EFR3B: variants seen among roughly 807,000 people sequenced by gnomAD.
EFR3B encodes protein EFR3 homolog B.
In EFR3B, 64 loss-of-function variants were observed where a neutral mutation model predicts 104.7. The observed-to-expected ratio is 0.61, with a 90% CI of 0.50 to 0.75. The LOEUF is 0.75. Among genes scored for constraint, EFR3B ranks in the 30% least tolerant of loss-of-function variants. EFR3B has a pLI of 0.00. For missense variants in EFR3B, 750 were observed against 1,078.5 expected (o/e 0.70, Z 4.27); for synonymous variants, 385 against 417.9 (o/e 0.92, Z 0.96).
chr2:25,135,187 C>T (rs1670485205), intron 12 of EFR3B, among the ~76,000 whole-genome samples: 2 of 152,284 alleles, frequency 1.3e-5, no homozygotes, highest in East Asian at 3.9e-4. Flanking sequence ...GCCTGGCTCC[C>T]GCTTCCCTCC....
At chr2:25,081,192 A>G (rs962114216) in intron 1 of EFR3B, 95 of 780,300 alleles carry the variant, frequency 1.2e-4, no homozygotes, top group Middle Eastern at 7.1e-4. Context: ...CTTTTTCCCA[A>G]TCATTTCTGA....
chr2:25,102,776 G>A (rs937545380), intron 3 of EFR3B, among the ~76,000 whole-genome samples: 1 of 152,116 alleles, frequency 6.6e-6, no homozygotes, highest in Non-Finnish European at 1.5e-5. Context: ...GTTCACTCAG[G>A]CTTTAGACTT....
rs1327853559 is a variant in EFR3B, at chr2:25,130,676, C to G, written c.849+46C>G. 7.4e-6 allele frequency: 11 copies of G among 1,493,928 alleles called. No homozygotes were observed. The South Asian group carries it at 1.2e-4, about 16-fold the overall frequency. The allele number at this position is 1,493,928 out of a possible 1,614,324, so 92.5% of individuals were successfully genotyped here. ...CAGCCGGATCCCAGGACAAAGGCCT[C>G]TCTAGAAGCTAGACGGGTGCTAAAA... On this transcript the variant is annotated intron_variant, in intron 8 of 22. Coordinates refer to ENST00000403714, the MANE Select transcript of EFR3B (RefSeq NM_014971.2). The surrounding 1 kb of genome is among the most constrained non-coding windows in gnomAD (Gnocchi z 4.6).
chr2:25,109,234 T>C (rs1222723261), intron 4 of EFR3B, among the ~76,000 whole-genome samples: 1 of 149,372 alleles, frequency 6.7e-6, no homozygotes, highest in Non-Finnish European at 1.5e-5. Flanking sequence ...ACAAAAAAGA[T>C]ATACAAATGG....
chr2:25,139,711 ATC>A (rs929968410), intron 16 of EFR3B, among the ~76,000 whole-genome samples: 1 of 152,314 alleles, frequency 6.6e-6, no homozygotes, highest in East Asian at 1.9e-4. Flanking sequence ...CATTTGCTTC[ATC>A]TGTCTCCTTT....
At position 25,131,602 on chromosome 2, in the gene EFR3B, T is replaced by C. The variant is rs887029049; in HGVS notation, c.985+99T>C. ...GACAACAGGGAGGGGTCGGAGTCCG[T>C]TTTCCTCGGGAGAAGTCCGCCAGGA... On this transcript the variant is annotated intron_variant, in intron 9 of 22. Coordinates refer to ENST00000403714, the MANE Select transcript of EFR3B (RefSeq NM_014971.2). The surrounding 1 kb of genome is among the most constrained non-coding windows in gnomAD (Gnocchi z 7.6). 6.6e-7 allele frequency: 1 copy of C among 1,508,508 alleles called. No homozygotes were observed. The highest frequency in any genetic ancestry group is 8.9e-7 in the Non-Finnish European group (1 of 1,122,756). The allele number at this position is 1,508,508 out of a possible 1,614,324, so 93.4% of individuals were successfully genotyped here.
intron 21 of EFR3B, among the ~76,000 whole-genome samples, chr2:25,152,388 G>A (rs563001805): frequency 8.9e-4 from 136 of 152,292 alleles, no homozygotes; most frequent in African/African-American, 3.2e-3. Context: ...CACTCACTGC[G>A]GATGACAGCT....
At chr2:25,124,497 G>A (rs747684161) in intron 5 of EFR3B, among the ~76,000 whole-genome samples, 8 of 151,108 alleles carry the variant, frequency 5.3e-5, no homozygotes, top group East Asian at 2.0e-4. Flanking sequence ...GAGGCCGAGC[G>A]GGGCGGATCA....
chr2:25,141,709 G>A (rs575782852), intron 17 of EFR3B, among the ~76,000 whole-genome samples: 1 of 152,332 alleles, frequency 6.6e-6, no homozygotes, highest in South Asian at 2.1e-4. Context: ...AATGCATCCT[G>A]GAGGAGTCAT....
chr2:25,137,129 T>G lies in EFR3B; in HGVS notation c.1561-212T>G, dbSNP rs958213097. Among the ~76,000 whole-genome samples the G allele has an allele frequency of 6.6e-6, 1 of 152,152 alleles. No individual in the cohort carries two copies. Among genetic ancestry groups the G allele is most frequent in the African/African-American group, 2.4e-5 (1 of 41,440 alleles). On this transcript the variant is annotated intron_variant, in intron 14 of 22. Transcript: ENST00000403714. This position sits in a 1 kb window ranked among gnomAD's most constrained non-coding sequence, Gnocchi z 4.7. Reference sequence around the variant, plus strand: ...CCTGGATTTGGGCAGCAGCTTCTGGTGCTGGTTTCACTGGAGCCCATCCTT... The same window carrying G: ...CCTGGATTTGGGCAGCAGCTTCTGGGGCTGGTTTCACTGGAGCCCATCCTT...
intron 5 of EFR3B, among the ~76,000 whole-genome samples, chr2:25,124,073 C>T (rs1222510690): frequency 6.6e-6 from 1 of 152,144 alleles, no homozygotes; most frequent in Non-Finnish European, 1.5e-5. Flanking sequence ...CTCTTCCGTC[C>T]CCTCCCTGCA....
At chr2:25,144,668 T>C (rs1670765422) in intron 18 of EFR3B, among the ~76,000 whole-genome samples, 2 of 152,240 alleles carry the variant, frequency 1.3e-5, no homozygotes, top group African/African-American at 4.8e-5. Flanking sequence ...TAGCAGATCA[T>C]GCTTACACAT....
chr2:25,106,909 G>A (rs1669579408), intron 4 of EFR3B, among the ~76,000 whole-genome samples: 1 of 152,194 alleles, frequency 6.6e-6, no homozygotes, highest in Admixed American at 6.5e-5. Context: ...ATGGAAGTTT[G>A]CAGCATTTTA....
At chr2:25,062,846 C>T (rs979432566) in intron 1 of EFR3B, among the ~76,000 whole-genome samples, 10 of 152,244 alleles carry the variant, frequency 6.6e-5, no homozygotes, top group Non-Finnish European at 1.3e-4. Flanking sequence ...CAAAGCCTGA[C>T]TCTCCTAGGC....
At chr2:25,058,575 A>G (rs1393838806) in intron 1 of EFR3B, among the ~76,000 whole-genome samples, 1 of 152,194 alleles carries the variant, frequency 6.6e-6, no homozygotes, top group Non-Finnish European at 1.5e-5. Context: ...CCTGGCCAAC[A>G]TGATAAAACC....
At chr2:25,059,585 G>GT (rs1491054979) in intron 1 of EFR3B, among the ~76,000 whole-genome samples, 1 of 123,908 alleles carries the variant, frequency 8.1e-6, no homozygotes, top group Admixed American at 8.3e-5. Context: ...GGGGGGGGGG[G>GT]GTGGAGATTG....
chr2:25,131,600 C>G lies in EFR3B; in HGVS notation c.985+97C>G, dbSNP rs1573225903. On this transcript the variant is annotated intron_variant, in intron 9 of 22. Coordinates refer to ENST00000403714, the MANE Select transcript of EFR3B (RefSeq NM_014971.2). This position sits in a 1 kb window ranked among gnomAD's most constrained non-coding sequence, Gnocchi z 7.6. ...GGGACAACAGGGAGGGGTCGGAGTC[C>G]GTTTTCCTCGGGAGAAGTCCGCCAG... The G allele has an allele frequency of 6.6e-7, 1 of 1,509,536 alleles. No individual in the cohort carries two copies. The highest frequency in any genetic ancestry group is 2.5e-5 in the East Asian group (1 of 40,274). 93.5% of individuals were successfully genotyped at this position (1,509,536 alleles called of 1,614,324 possible). A position where few individuals can be genotyped will look rare whatever the true frequency, so the allele number is the denominator to read the frequency against.
At chr2:25,113,298 A>G (rs998610412) in intron 4 of EFR3B, among the ~76,000 whole-genome samples, 2 of 152,222 alleles carry the variant, frequency 1.3e-5, no homozygotes, top group Admixed American at 1.3e-4. Flanking sequence ...CATGCATTAG[A>G]ACTCGCATTT....
chr2:25,147,696 C>T (rs1427148004), intron 19 of EFR3B: 1 of 152,176 alleles, frequency 6.6e-6, no homozygotes, highest in Non-Finnish European at 1.5e-5. Context: ...TGTTCTGTGT[C>T]TGCTGCTTTT....
Sources: allele counts gnomAD v4.1 joint callset (sites outside exome capture counted in the v4.1 genomes callset), GRCh38; gene constraint gnomAD v4.1.1; non-coding constraint Gnocchi (gnomAD v3.1); transcripts MANE v1.5; gene names NCBI Gene and HGNC (gene_info 2026-07-23, HGNC 2026-07-21).